Variants in JARID2 observed in about 807,000 individuals in gnomAD.
JARID2 encodes jumonji and AT-rich interaction domain containing 2.
In JARID2, 21 loss-of-function variants were observed where a neutral mutation model predicts 125.6. That is an observed-to-expected ratio of 0.17 (90% confidence interval 0.12 to 0.24). JARID2 has a LOEUF of 0.24. JARID2 is among the 10% of genes least tolerant of loss of function. The pLI is 1.00. For synonymous variants in JARID2, 736 were observed against 661.6 expected (o/e 1.11, Z -1.73); for missense variants, 1,303 against 1,639.6 (o/e 0.79, Z 3.55).
intron 1 of JARID2, among the ~76,000 whole-genome samples, chr6:15,348,246 C>G (rs1468339480): frequency 6.6e-6 from 1 of 151,924 alleles, no homozygotes; most frequent in African/African-American, 2.4e-5. Flanking sequence ...CGCCCGCCAC[C>G]ACACCCGGCT....
intron 3 of JARID2, among the ~76,000 whole-genome samples, chr6:15,413,002 G>GGTTTTTTTTTTTTTT (rs1765951845): frequency 2.1e-5 from 1 of 46,530 alleles, no homozygotes; most frequent in African/African-American, 9.3e-5. Context: ...AAGAGCTTGT[G>GGTTTTTTTTTTTTTT]TTTTTGTTTT....
At chr6:15,371,351 A>C (rs138505874) in intron 1 of JARID2, among the ~76,000 whole-genome samples, 2 of 152,230 alleles carry the variant, frequency 1.3e-5, no homozygotes, top group Non-Finnish European at 2.9e-5. Context: ...AACTGTGTAC[A>C]TGTAGGAAAT....
At chr6:15,456,500 C>T (rs1330091936) in intron 4 of JARID2, among the ~76,000 whole-genome samples, 1 of 152,046 alleles carries the variant, frequency 6.6e-6, no homozygotes, top group East Asian at 1.9e-4. Flanking sequence ...TTTTTCTGTT[C>T]GTATACAATA....
At chr6:15,331,335 C>G (rs1762700298) in intron 1 of JARID2, among the ~76,000 whole-genome samples, 1 of 99,724 alleles carries the variant, frequency 1.0e-5, no homozygotes, top group Non-Finnish European at 2.4e-5. Context: ...GATCCTGCCT[C>G]AAAAAAAACA....
At chr6:15,424,688 C>T (rs1766646580) in intron 3 of JARID2, among the ~76,000 whole-genome samples, 1 of 152,076 alleles carries the variant, frequency 6.6e-6, no homozygotes, top group Non-Finnish European at 1.5e-5. Flanking sequence ...AGAACCCCTG[C>T]CTCCACTAAA....
At chr6:15,320,670 T>A (rs892629781) in intron 1 of JARID2, among the ~76,000 whole-genome samples, 8 of 152,222 alleles carry the variant, frequency 5.3e-5, no homozygotes, top group Non-Finnish European at 8.8e-5. Flanking sequence ...GATCCTTCTT[T>A]AGTAGCTAGA....
At chr6:15,420,768 G>A (rs138214477) in intron 3 of JARID2, among the ~76,000 whole-genome samples, 38 of 152,216 alleles carry the variant, frequency 2.5e-4, no homozygotes, top group Admixed American at 5.9e-4. Context: ...GGTTAGGTAG[G>A]GCCAAAGCAG....
intron 7 of JARID2, among the ~76,000 whole-genome samples, chr6:15,497,446 G>A (rs895085200): frequency 1.3e-5 from 2 of 152,070 alleles, no homozygotes; most frequent in African/African-American, 4.8e-5. Context: ...CAGATCATGA[G>A]GTCAGGAGAT....
At chr6:15,414,916 C>G (rs1766068068) in intron 3 of JARID2, among the ~76,000 whole-genome samples, 1 of 152,120 alleles carries the variant, frequency 6.6e-6, no homozygotes, top group Non-Finnish European at 1.5e-5. Context: ...AGCAGATAAA[C>G]AAGTGAACAA....
chr6:15,391,031 T>A (rs914320332), intron 2 of JARID2, among the ~76,000 whole-genome samples: 1 of 152,192 alleles, frequency 6.6e-6, no homozygotes, highest in Non-Finnish European at 1.5e-5. Context: ...ATGTAAACAT[T>A]TAAAAGGGCG....
At position 15,316,286 on chromosome 6, in the gene JARID2, A is replaced by G. The variant is rs991241914; in HGVS notation, c.46-57831A>G. ...AGGCACACGTATTTTTAGTAGAGAC[A>G]GGGTTTTTGAACTCCTGAACTCAAG... On this transcript the variant is annotated intron_variant, in intron 1 of 17. Transcript: ENST00000341776. Among the ~76,000 whole-genome samples, 4 of 152,024 alleles carry G rather than the reference A, an allele frequency of 2.6e-5. No homozygotes were observed. The East Asian group carries it at 7.7e-4, about 29-fold the overall frequency.
chr6:15,453,000 A>G (rs1767991161), intron 4 of JARID2, among the ~76,000 whole-genome samples: 1 of 152,170 alleles, frequency 6.6e-6, no homozygotes, highest in Non-Finnish European at 1.5e-5. Flanking sequence ...TTATTTGATA[A>G]ATATTTTGAT....
intron 3 of JARID2, among the ~76,000 whole-genome samples, chr6:15,442,821 C>A (rs933370524): frequency 1.3e-5 from 2 of 152,140 alleles, no homozygotes; most frequent in African/African-American, 4.8e-5. Context: ...GATTTTCAGG[C>A]AGTCTTGGTT....
chr6:15,247,862 G>A (rs1759243744), intron 1 of JARID2: 2 of 985,304 alleles, frequency 2.0e-6, no homozygotes, highest in South Asian at 4.7e-5. Context: ...GCATTGCAGA[G>A]GGCTGGGTAG....
chr6:15,447,442 A>AC (rs1767723028), intron 3 of JARID2, among the ~76,000 whole-genome samples: 1 of 152,200 alleles, frequency 6.6e-6, no homozygotes, highest in African/African-American at 2.4e-5. Context: ...TGTGAAGGAC[A>AC]CACACCTTCT....
chr6:15,471,219 T>A (rs1326062370), intron 5 of JARID2, among the ~76,000 whole-genome samples: 1 of 152,218 alleles, frequency 6.6e-6, no homozygotes, highest in Non-Finnish European at 1.5e-5. Flanking sequence ...GTGTTGATGG[T>A]GAGAGACAAC....
At chr6:15,343,290 TAA>T (rs5874510) in intron 1 of JARID2, among the ~76,000 whole-genome samples, 26 of 138,672 alleles carry the variant, frequency 1.9e-4, no homozygotes, top group Admixed American at 2.9e-4. Flanking sequence ...GTTAAGGATT[TAA>T]AAAAAAAAAA....
At chr6:15,400,803 C>T (rs1581506713) in intron 2 of JARID2, 1 of 1,242,848 alleles carries the variant, frequency 8.0e-7, no homozygotes, top group East Asian at 5.7e-5. Flanking sequence ...CGTCCTATTG[C>T]CGCGCGGAAT....
chr6:15,448,614 A>C (rs1767779152), intron 3 of JARID2, among the ~76,000 whole-genome samples: 1 of 152,198 alleles, frequency 6.6e-6, no homozygotes, highest in Admixed American at 6.5e-5. Context: ...TAGAATTAAA[A>C]ACCAGCAATT....
Sources: gnomAD v4.1 joint callset for allele counts (sites outside exome capture counted in the v4.1 genomes callset) on GRCh38, gnomAD v4.1.1 for gene constraint, MANE v1.5 for transcripts, NCBI Gene and HGNC (gene_info 2026-07-23, HGNC 2026-07-21) for gene names.